The following SCD5 variants were observed in gnomAD, a reference collection of about 807,000 sequenced individuals.
The protein encoded by SCD5 is acyl-CoA-desaturase 4.
A neutral mutation model predicts 30.4 loss-of-function variants in SCD5; 20 were observed. The ratio of observed to expected loss-of-function variants is 0.66; its 90% CI spans 0.46 to 0.96. The LOEUF (loss-of-function observed/expected upper bound fraction) is 0.96. Among genes scored for constraint, SCD5 ranks in the 40% least tolerant of loss-of-function variants. SCD5 has a pLI of 0.00. For synonymous variants in SCD5, 173 were observed against 176.4 expected (o/e 0.98, Z 0.16); for missense variants, 381 against 443.3 (o/e 0.86, Z 1.26).
At chr4:82,770,119 T>A (rs1372562407) in intron 1 of SCD5, among the ~76,000 whole-genome samples, 1 of 152,184 alleles carries the variant, frequency 6.6e-6, no homozygotes, top group Non-Finnish European at 1.5e-5. Context: ...TGTGCCATGT[T>A]GGTGTGCTGC....
At chr4:82,748,495 G>C (rs1721039766) in intron 1 of SCD5, among the ~76,000 whole-genome samples, 1 of 152,278 alleles carries the variant, frequency 6.6e-6, no homozygotes, top group Admixed American at 6.5e-5. Flanking sequence ...TAATCAATGG[G>C]CAATGGTGTT....
intron 1 of SCD5, among the ~76,000 whole-genome samples, chr4:82,763,394 C>T (rs1310848181): frequency 6.6e-6 from 1 of 152,098 alleles, no homozygotes; most frequent in Non-Finnish European, 1.5e-5. Context: ...ACCTGTAGTC[C>T]CAGCTACTCA....
chr4:82,681,741 C>T (rs9991033), intron 2 of SCD5, among the ~76,000 whole-genome samples: 121,677 of 152,028 alleles, frequency 0.8, 48,908 homozygotes, highest in Middle Eastern at 0.87. Context: ...CGTTTACCTA[C>T]GTAACTAACC....
At chr4:82,664,995 C>CTATATATATATATATA (rs779503303) in intron 3 of SCD5, among the ~76,000 whole-genome samples, 2 of 83,276 alleles carry the variant, frequency 2.4e-5, no homozygotes, top group Admixed American at 1.3e-4. Context: ...CTCTCTCTCT[C>CTATATATATATATATA]TCTCTATATA....
intron 3 of SCD5, among the ~76,000 whole-genome samples, chr4:82,656,623 G>C (rs1433315364): frequency 6.6e-6 from 1 of 152,118 alleles, no homozygotes; most frequent in Non-Finnish European, 1.5e-5. Flanking sequence ...CCCTGTAATG[G>C]GATTGCTGGG....
chr4:82,679,267 GGAAA>G (rs1199369397), intron 3 of SCD5, among the ~76,000 whole-genome samples: 3 of 119,072 alleles, frequency 2.5e-5, no homozygotes, highest in Non-Finnish European at 5.2e-5. Flanking sequence ...AAAGAAGGAA[GGAAA>G]GAAAGAAAGA....
chr4:82,774,057 C>A (rs891135539), intron 1 of SCD5, among the ~76,000 whole-genome samples: 1 of 150,688 alleles, frequency 6.6e-6, no homozygotes, highest in Non-Finnish European at 1.5e-5. Context: ...CCACTGCACT[C>A]CAGCCTGGGC....
At chr4:82,784,346 T>C (rs1483629885) in intron 1 of SCD5, among the ~76,000 whole-genome samples, 1 of 152,176 alleles carries the variant, frequency 6.6e-6, no homozygotes, top group African/African-American at 2.4e-5. Flanking sequence ...TACAGCCTCA[T>C]GGGAAAATGA....
intron 2 of SCD5, 79 bp from the exon 3 acceptor site, chr4:82,680,991 C>T: frequency 7.9e-7 from 1 of 1,267,066 alleles, no homozygotes; most frequent in Non-Finnish European, 1.1e-6. Context: ...CCAGCCTCCC[C>T]TCCCCCACCA....
At chr4:82,782,166 C>T (rs1158815267) in intron 1 of SCD5, among the ~76,000 whole-genome samples, 3 of 151,084 alleles carry the variant, frequency 2.0e-5, no homozygotes, top group Non-Finnish European at 2.9e-5. Flanking sequence ...ACTGTGTCTC[C>T]GGCCTGCCTG....
chr4:82,647,707 A>T (rs1410926366), intron 3 of SCD5, among the ~76,000 whole-genome samples: 1 of 152,080 alleles, frequency 6.6e-6, no homozygotes, highest in African/African-American at 2.4e-5. Flanking sequence ...CTCAACTATG[A>T]TTATTGCATT....
At chr4:82,693,934 C>G (rs1719622707) in intron 2 of SCD5, among the ~76,000 whole-genome samples, 1 of 152,236 alleles carries the variant, frequency 6.6e-6, no homozygotes, top group Non-Finnish European at 1.5e-5. Context: ...GTCCAGGATA[C>G]AGAGGTGGCC....
intron 2 of SCD5, among the ~76,000 whole-genome samples, chr4:82,700,273 G>C (rs112344032): frequency 6.6e-6 from 1 of 151,860 alleles, no homozygotes; most frequent in Non-Finnish European, 1.5e-5. Context: ...AGAATTTTCC[G>C]AATTAATGAC....
rs1722175169 is a variant in SCD5 at position 82,794,761 on chromosome 4, T to C, written c.232+3545A>G. On this transcript the variant is annotated intron_variant, in intron 1 of 4. Transcript: ENST00000319540. ...ACCTCCCAGGTTCACGCCATTCTCC[T>C]GCCTCAGCCTCCCGAGTAGCTGGGA... 2.0e-5 allele frequency among the ~76,000 whole-genome samples: 3 copies of C among 151,918 alleles called. No individual in the cohort carries two copies. The South Asian group carries it at 6.2e-4, about 32-fold the overall frequency.
At chr4:82,655,487 T>C (rs1727850927) in intron 3 of SCD5, among the ~76,000 whole-genome samples, 2 of 152,190 alleles carry the variant, frequency 1.3e-5, no homozygotes. Flanking sequence ...GTTGCAAAAG[T>C]ATAAAAGTAG....
chr4:82,689,925 A>T (rs1728794913), intron 2 of SCD5, among the ~76,000 whole-genome samples: 1 of 152,228 alleles, frequency 6.6e-6, no homozygotes, highest in Admixed American at 6.5e-5. Flanking sequence ...TCTAATTATG[A>T]AGTAACATGA....
intron 1 of SCD5, among the ~76,000 whole-genome samples, chr4:82,770,223 C>T (rs1454378122): frequency 6.6e-6 from 1 of 152,122 alleles, no homozygotes; most frequent in Non-Finnish European, 1.5e-5. Flanking sequence ...TGTGATGTTC[C>T]CCTTCCTGTG....
intron 1 of SCD5, among the ~76,000 whole-genome samples, chr4:82,794,782 T>A (rs1722175746): frequency 6.6e-6 from 1 of 152,040 alleles, no homozygotes; most frequent in Admixed American, 6.6e-5. Context: ...CCCGAGTAGC[T>A]GGGACTACAG....
intron 1 of SCD5, among the ~76,000 whole-genome samples, chr4:82,736,941 C>G (rs1720764336): frequency 6.6e-6 from 1 of 152,156 alleles, no homozygotes; most frequent in African/African-American, 2.4e-5. Flanking sequence ...GTTGGGATTA[C>G]AGGTGTAAGC....
Sources: allele counts gnomAD v4.1 joint callset (sites outside exome capture counted in the v4.1 genomes callset), GRCh38; gene constraint gnomAD v4.1.1; transcripts MANE v1.5; gene names NCBI Gene and HGNC (gene_info 2026-07-23, HGNC 2026-07-21).